SRP72: variants seen among roughly 807,000 people sequenced by gnomAD.
The protein encoded by SRP72 is signal recognition particle 72.
A neutral mutation model predicts 96.3 loss-of-function variants in SRP72; 49 were observed. That is an observed-to-expected ratio of 0.51 (90% CI 0.40 to 0.65). The LOEUF (loss-of-function observed/expected upper bound fraction) is 0.65, where lower values mean the gene tolerates loss of function less well. Ranked by LOEUF, SRP72 falls within the 30% of genes least tolerant of loss-of-function variation. The pLI is 0.00. For synonymous variants in SRP72, 267 were observed against 275.2 expected, an observed-to-expected ratio of 0.97 and a Z score of 0.30; for missense variants, 736 against 793.3, an observed-to-expected ratio of 0.93 and a Z score of 0.87.
chr4:56,479,581 A>G (rs1419515207), intron 8 of SRP72, among the ~76,000 whole-genome samples: 7 of 143,016 alleles, frequency 4.9e-5, no homozygotes, highest in Admixed American at 2.9e-4. Flanking sequence ...GACATGACTC[A>G]CTATAGCCCC....
intron 2 of SRP72, 121 bp downstream of exon 2, chr4:56,469,894 T>TG (rs1719900369): frequency 1.0e-6 from 1 of 961,804 alleles, no homozygotes; most frequent in Admixed American, 2.9e-5. Flanking sequence ...CTTCCTTTTT[T>TG]TCCCCCCTTT....
At chr4:56,500,249 G>A in intron 17 of SRP72, among the ~76,000 whole-genome samples, 1 of 152,096 alleles carries the variant, frequency 6.6e-6, no homozygotes, top group East Asian at 1.9e-4. Context: ...ATAGCATTGG[G>A]AGAAATACCT....
chr4:56,487,572 C>T (rs1415352470), intron 11 of SRP72, among the ~76,000 whole-genome samples: 1 of 152,092 alleles, frequency 6.6e-6, no homozygotes, highest in African/African-American at 2.4e-5. Context: ...TTTTCCATTG[C>T]ACTCATGTCT....
At chr4:56,475,261 A>C (rs1483780193) in intron 5 of SRP72, among the ~76,000 whole-genome samples, 1 of 152,138 alleles carries the variant, frequency 6.6e-6, no homozygotes, top group Non-Finnish European at 1.5e-5. Flanking sequence ...CTGTTTAAGA[A>C]TTATAATTTT....
At chr4:56,490,276 A>C in intron 13 of SRP72, 57 bp from the exon 14 acceptor site, 2 of 1,350,700 alleles carry the variant, frequency 1.5e-6, no homozygotes, top group South Asian at 2.5e-5. Flanking sequence ...ATATAACTGC[A>C]TGCACTTGCT....
chr4:56,501,648 A>C, intron 18 of SRP72, 36 bp from the exon 19 acceptor site: 2 of 1,596,338 alleles, frequency 1.3e-6, no homozygotes, highest in Non-Finnish European at 8.6e-7. Context: ...CCTTCGTTGA[A>C]TATATGAGTG....
chr4:56,498,922 A>G (rs1721168851), intron 17 of SRP72, among the ~76,000 whole-genome samples: 1 of 152,216 alleles, frequency 6.6e-6, no homozygotes, highest in African/African-American at 2.4e-5. Flanking sequence ...AACTACTTTA[A>G]ATTTCATATG....
At chr4:56,497,744 G>A (rs1721128802) in intron 17 of SRP72, among the ~76,000 whole-genome samples, 2 of 151,500 alleles carry the variant, frequency 1.3e-5, no homozygotes, top group Non-Finnish European at 2.9e-5. Flanking sequence ...ATTTCTAGAA[G>A]TCTATAAATT....
At chr4:56,470,958 C>T (rs1016371432) in intron 2 of SRP72, among the ~76,000 whole-genome samples, 37 of 151,876 alleles carry the variant, frequency 2.4e-4, no homozygotes, top group African/African-American at 7.5e-4. Context: ...TGCACCACCA[C>T]GCCCAGCTAA....
intron 2 of SRP72, among the ~76,000 whole-genome samples, chr4:56,470,805 T>C (rs1454670568): frequency 6.6e-6 from 1 of 151,960 alleles, no homozygotes; most frequent in Non-Finnish European, 1.5e-5. Flanking sequence ...CAAAAACATT[T>C]TGTCAATGAG....
chr4:56,481,960 C>G (rs1720508763), intron 8 of SRP72, among the ~76,000 whole-genome samples: 1 of 150,622 alleles, frequency 6.6e-6, no homozygotes, highest in Non-Finnish European at 1.5e-5. Context: ...ATGGGGGTTT[C>G]ACCATGTTGG....
Position 56,489,470 on chromosome 4 carries a change from A to T in SRP72, c.1307A>T (p.Tyr436Phe), listed in dbSNP as rs748519808. Residue 436 changes from tyrosine to phenylalanine, a missense_variant, in exon 13 of 19, where the codon TAT becomes TTT. By Grantham distance (22) the Tyr-to-Phe change is conservative. This residue lies in a region of SRP72 where 388 missense variants were observed against 431.8 expected (regional missense o/e 0.90). Coordinates refer to ENST00000642900, the MANE Select transcript of SRP72 (RefSeq NM_006947.4). Reference sequence around the variant, plus strand: ...GTCTTCACACAAGCTATCCAGTGGTATCAAAACCATCAGGTAAATAAATGG... The same window carrying T: ...GTCTTCACACAAGCTATCCAGTGGTTTCAAAACCATCAGGTAAATAAATGG... ...IEVFTQAIQW[Y>F]QNHQPKSPAH... is the part of the protein sequence containing the mutation. The T allele has an allele frequency of 5.1e-6, 8 of 1,576,486 alleles. No individual in the cohort carries two copies. Among genetic ancestry groups the T allele is most frequent in the Non-Finnish European group, 6.1e-6 (7 of 1,151,768 alleles).
rs1353119339 is a variant in SRP72, at chr4:56,501,675, T to C, written c.1839-9T>C. 1.2e-6 allele frequency: 2 copies of C among 1,610,588 alleles called. No homozygotes were observed. Among genetic ancestry groups the C allele is most frequent in the Non-Finnish European group, 1.7e-6 (2 of 1,179,020 alleles). On this transcript the variant is annotated splice_polypyrimidine_tract_variant and intron_variant, in intron 18 of 18. Coordinates refer to ENST00000642900, the MANE Select transcript of SRP72 (RefSeq NM_006947.4). ...ATATGAGTGACCAAAAATGATCTGA[T>C]GATTTCAGGGATGCCAGTAAAACTG...
chr4:56,473,413 G>A lies in SRP72; in HGVS notation c.355-641G>A, dbSNP rs1268322679. Among the ~76,000 whole-genome samples the A allele has an allele frequency of 1.5e-4, 23 of 150,826 alleles. No homozygotes were observed. In the East Asian group the frequency reaches 4.1e-3, roughly 27 times the overall value. On this transcript the variant is annotated intron_variant, in intron 3 of 18. Coordinates refer to ENST00000642900, the MANE Select transcript of SRP72 (RefSeq NM_006947.4). ...GCGGAGCTTGCAGTGAGCCGAGATC[G>A]CGCCACTGCACTCCAGCCTGGGTGA... is the stretch of plus-strand genomic sequence containing the variant.
intron 12 of SRP72, 55 bp from the exon 13 acceptor site, chr4:56,489,333 G>A: frequency 1.0e-6 from 1 of 988,966 alleles, no homozygotes; most frequent in Non-Finnish European, 1.5e-6. Flanking sequence ...ATTTTCAAAA[G>A]CGGTATTCTG....
intron 1 of SRP72, among the ~76,000 whole-genome samples, chr4:56,468,291 C>G (rs1283640563): frequency 4.6e-5 from 7 of 152,104 alleles, no homozygotes; most frequent in African/African-American, 7.2e-5. Context: ...CCTGTCATTC[C>G]CATAGATGAG....
rs878964615 is a variant in SRP72 at position 56,502,003 on chromosome 4, A to G, written c.*142A>G. On this transcript the variant is annotated 3_prime_UTR_variant, in exon 19 of 19. Transcript: ENST00000642900. ...AATTTCTTGTGTTTCAAATAGGGAAACATCTTCCTCAAAGTCTGCCTAGTG... is the reference window on the plus strand; with the variant it reads ...AATTTCTTGTGTTTCAAATAGGGAAGCATCTTCCTCAAAGTCTGCCTAGTG... 38 of 900,556 alleles carry G rather than the reference A, an allele frequency of 4.2e-5. No individual in the cohort carries two copies. In the South Asian group the frequency reaches 6.3e-4, roughly 15 times the overall value. 55.8% of individuals were successfully genotyped at this position (900,556 alleles called of 1,614,324 possible). A position where few individuals can be genotyped will look rare whatever the true frequency, so the allele number is the denominator to read the frequency against.
intron 3 of SRP72, 140 bp downstream of exon 3, chr4:56,471,983 C>A: frequency 1.1e-6 from 1 of 933,676 alleles, no homozygotes; most frequent in Non-Finnish European, 1.6e-6. Context: ...AAGGTTTGAA[C>A]ATAATTCCTC....
intron 1 of SRP72, among the ~76,000 whole-genome samples, chr4:56,468,540 C>T (rs1385987538): frequency 6.6e-6 from 1 of 151,668 alleles, no homozygotes; most frequent in Non-Finnish European, 1.5e-5. Flanking sequence ...AAGATACAGC[C>T]TGTGCATGTT....
Sources: allele counts gnomAD v4.1 joint callset (sites outside exome capture counted in the v4.1 genomes callset), GRCh38; gene constraint gnomAD v4.1.1; regional missense constraint gnomAD v4.1.1; transcripts MANE v1.5; gene names NCBI Gene and HGNC (gene_info 2026-07-23, HGNC 2026-07-21).